Variants in GOLGA8A observed in about 807,000 individuals in gnomAD.
GOLGA8A encodes the protein golgin A8 family member A, also known as golgin subfamily A member 8A.
A neutral mutation model predicts 22.1 loss-of-function variants in GOLGA8A; 3 were observed. That is an observed-to-expected ratio of 0.14 (90% CI 0.06 to 0.35). The LOEUF is 0.35. GOLGA8A is among the 10% of genes least tolerant of loss of function. The pLI is 1.00. For synonymous variants in GOLGA8A, 7 were observed against 91.7 expected (o/e 0.08, Z 5.28); for missense variants, 16 against 233.2 (o/e 0.07, Z 6.07).
At chr15:34,429,274 T>G (rs1381979862) in intron 2 of GOLGA8A, among the ~76,000 whole-genome samples, 1 of 146,446 alleles carries the variant, frequency 6.8e-6, no homozygotes, top group Non-Finnish European at 1.5e-5. Context: ...GCCCACCTAC[T>G]TTGCTCCCAA....
rs1009575864 is a variant in GOLGA8A, at chr15:34,425,477, CTATCAAGTAT to C, written c.-1123+9896_-1123+9905del. Among the ~76,000 whole-genome samples, 33 of 145,188 alleles carry C rather than the reference CTATCAAGTAT, an allele frequency of 2.3e-4. 1 individual carries two copies. The highest frequency in any genetic ancestry group is 8.1e-4 in the African/African-American group (32 of 39,732). Reference sequence around the variant, plus strand: ...AGATGTAAATGTAAAAAAATCGAGACTATCAAGTATTAGCAGAATATGCAGGAGGGTGGTT... The same window carrying C: ...AGATGTAAATGTAAAAAAATCGAGACTAGCAGAATATGCAGGAGGGTGGTT... On this transcript the variant is annotated intron_variant, in intron 2 of 24. Coordinates refer to ENST00000359187, the MANE Select transcript of GOLGA8A (RefSeq NM_181077.5).
rs3893820 is a variant in GOLGA8A, at chr15:34,430,467, G to A, written c.-1123+4916C>T. ...CCCAATGCCATTCCCGAGACAATCAGCCATCAATCTGACCCACTCAGTCCT... is the reference window on the plus strand; with the variant it reads ...CCCAATGCCATTCCCGAGACAATCAACCATCAATCTGACCCACTCAGTCCT... On this transcript the variant is annotated intron_variant, in intron 2 of 24. Coordinates refer to ENST00000359187, the MANE Select transcript of GOLGA8A (RefSeq NM_181077.5). Among the ~76,000 whole-genome samples, 160 of 149,186 alleles carry A rather than the reference G, an allele frequency of 1.1e-3. 1 individual carries two copies. Among genetic ancestry groups the A allele is most frequent in the African/African-American group, 3.8e-3 (155 of 40,388 alleles).
At position 34,437,408 on chromosome 15, in the gene GOLGA8A, C is replaced by T. The variant is rs1235458275; in HGVS notation, c.-1222G>A. Reference sequence around the variant, plus strand: ...GGTTCCCCAGCTTACCTGGCCAGGGCGCGGGGCTGCCCCGGTCCGCCGCCG... The same window carrying T: ...GGTTCCCCAGCTTACCTGGCCAGGGTGCGGGGCTGCCCCGGTCCGCCGCCG... On this transcript the variant is annotated 5_prime_UTR_variant, in exon 1 of 25. Transcript: ENST00000359187. The T allele has an allele frequency of 1.4e-5, 2 of 141,300 alleles. No individual in the cohort carries two copies. Among genetic ancestry groups the T allele is most frequent in the Non-Finnish European group, 3.1e-5 (2 of 63,888 alleles). 8.8% of individuals were successfully genotyped at this position (141,300 alleles called of 1,614,324 possible). A position where few individuals can be genotyped will look rare whatever the true frequency, so the allele number is the denominator to read the frequency against.
chr15:34,431,304 TATATATAC>T (rs200074612), intron 2 of GOLGA8A, among the ~76,000 whole-genome samples: 1,112 of 12,368 alleles, frequency 0.09, 44 homozygotes, highest in East Asian at 0.4. Context: ...TATATATATA[TATATATAC>T]ATATATATAT....
intron 2 of GOLGA8A, among the ~76,000 whole-genome samples, chr15:34,411,422 ATGTG>A (rs3053180): frequency 0.019 from 1,847 of 98,310 alleles, 164 homozygotes; most frequent in African/African-American, 0.055. Flanking sequence ...GAATTCATGA[ATGTG>A]TGTGTGTGTG....
intron 2 of GOLGA8A, among the ~76,000 whole-genome samples, chr15:34,410,834 C>T (rs1455007638): frequency 1.5e-5 from 2 of 129,332 alleles, no homozygotes; most frequent in Non-Finnish European, 3.4e-5. Flanking sequence ...AGGGGCAACT[C>T]GTGTCTCGCA....
At chr15:34,423,549 C>A in intron 2 of GOLGA8A, among the ~76,000 whole-genome samples, 1 of 148,808 alleles carries the variant, frequency 6.7e-6, no homozygotes, top group Non-Finnish European at 1.5e-5. Context: ...CCACTTGTCA[C>A]AAGGAAGCAC....
intron 2 of GOLGA8A, among the ~76,000 whole-genome samples, chr15:34,425,973 G>GT (rs1374415062): frequency 6.9e-6 from 1 of 144,846 alleles, no homozygotes; most frequent in Non-Finnish European, 1.5e-5. Context: ...GAGAGTGTCA[G>GT]TGGGGACACC....
rs1203163671 is a variant in GOLGA8A, at chr15:34,379,438, AT to A, written c.*1972del. The A allele has an allele frequency of 2.0e-5, 3 of 152,594 alleles. No homozygotes were observed. The allele number at this position is 152,594 out of a possible 1,614,324, so 9.5% of individuals were successfully genotyped here. On this transcript the variant is annotated 3_prime_UTR_variant, in exon 25 of 25. Coordinates refer to ENST00000359187, the MANE Select transcript of GOLGA8A (RefSeq NM_181077.5). ...CATACGACTGTTAATTAGCCGCATT[AT>A]TTGGTCTAACATTTTTTATCATTCT... is the stretch of plus-strand genomic sequence containing the variant.
intron 2 of GOLGA8A, among the ~76,000 whole-genome samples, chr15:34,425,110 A>G (rs957353226): frequency 6.9e-6 from 1 of 145,246 alleles, no homozygotes; most frequent in Non-Finnish European, 1.5e-5. Flanking sequence ...TAAATAAAAT[A>G]AGGCTTATCT....
At chr15:34,418,092 C>T (rs1323451565) in intron 2 of GOLGA8A, 1 of 113,178 alleles carries the variant, frequency 8.8e-6, no homozygotes, top group Non-Finnish European at 1.8e-5. Context: ...CTCCAGATTT[C>T]CCACTTTTTC....
intron 2 of GOLGA8A, among the ~76,000 whole-genome samples, chr15:34,430,752 A>T (rs1893191165): frequency 1.3e-5 from 2 of 149,780 alleles, no homozygotes; most frequent in African/African-American, 4.9e-5. Flanking sequence ...CTCCATCCAT[A>T]GTAACTCAGT....
intron 4 of GOLGA8A, among the ~76,000 whole-genome samples, chr15:34,405,617 G>GA (rs1305591180): frequency 7.1e-6 from 1 of 140,684 alleles, no homozygotes; most frequent in African/African-American, 2.5e-5. Flanking sequence ...TGACCACAGG[G>GA]CTTTTAAAGG....
In GOLGA8A at chr15:34,435,388, A is replaced by G. The variant is rs1327166067; in HGVS notation, c.-1128T>C. On this transcript the variant is annotated 5_prime_UTR_variant, in exon 2 of 25. Transcript: ENST00000359187. ...TCAGTGTCTTTTACAATTACCTTTTACTTTTATCCAGCATTTCTTAGCTCG... is the reference window on the plus strand; with the variant it reads ...TCAGTGTCTTTTACAATTACCTTTTGCTTTTATCCAGCATTTCTTAGCTCG... 6.7e-6 allele frequency: 1 copy of G among 149,276 alleles called. No individual in the cohort carries two copies. The highest frequency in any genetic ancestry group is 1.5e-5 in the Non-Finnish European group (1 of 67,176). 9.2% of individuals were successfully genotyped at this position (149,276 alleles called of 1,614,324 possible). A position where few individuals can be genotyped will look rare whatever the true frequency, so the allele number is the denominator to read the frequency against.
chr15:34,430,385 T>C (rs1391499247), intron 2 of GOLGA8A, among the ~76,000 whole-genome samples: 1 of 149,040 alleles, frequency 6.7e-6, no homozygotes, highest in African/African-American at 2.5e-5. Context: ...TCACAATACA[T>C]GCACAAAACA....
At chr15:34,392,948 G>T (rs1283627120) in intron 8 of GOLGA8A, among the ~76,000 whole-genome samples, 1 of 127,472 alleles carries the variant, frequency 7.8e-6, no homozygotes, top group African/African-American at 3.1e-5. Flanking sequence ...TATTACTCCT[G>T]CAAATAGTAA....
chr15:34,427,325 C>T (rs71464869), intron 2 of GOLGA8A, among the ~76,000 whole-genome samples: 4,632 of 101,514 alleles, frequency 0.046, 236 homozygotes, highest in Non-Finnish European at 0.071. Flanking sequence ...AGTGAGACTC[C>T]GTCACAAAAA....
intron 2 of GOLGA8A, among the ~76,000 whole-genome samples, chr15:34,420,879 T>C (rs1001123597): frequency 5.4e-5 from 7 of 129,134 alleles, no homozygotes; most frequent in African/African-American, 1.2e-4. Context: ...TTTCCAAGCA[T>C]TGATGATCCT....
rs1344197005 is a variant in GOLGA8A at position 34,385,111 on chromosome 15, A to ACGCT, written c.500_503dup (p.Ile169AlafsTer28). The ACGCT allele has an allele frequency of 1.3e-5, 3 of 238,056 alleles. No individual in the cohort carries two copies. The highest frequency in any genetic ancestry group is 2.2e-5 in the Non-Finnish European group (3 of 137,522). The allele number at this position is 238,056 out of a possible 1,614,324, so 14.7% of individuals were successfully genotyped here. ...AGAGAGACCACTCTAACTCTCCTATACGCTGCGATGAACGTTGCAGGCGGC... is the reference window on the plus strand; with the variant it reads ...AGAGAGACCACTCTAACTCTCCTATACGCTCGCTGCGATGAACGTTGCAGGCGGC... On this transcript the variant is annotated frameshift_variant, in exon 16 of 25. Coordinates refer to ENST00000359187, the MANE Select transcript of GOLGA8A (RefSeq NM_181077.5). LOFTEE classifies it high-confidence loss of function.
Sources: allele counts gnomAD v4.1 joint callset (sites outside exome capture counted in the v4.1 genomes callset), GRCh38; gene constraint gnomAD v4.1.1; transcripts MANE v1.5; gene names NCBI Gene and HGNC (gene_info 2026-07-23, HGNC 2026-07-21).